The following MSN variants were observed in gnomAD, a reference collection of about 807,000 sequenced individuals.
MSN encodes epididymis luminal protein 70.
A neutral mutation model predicts 48.0 loss-of-function variants in MSN; 2 were observed. That is an observed-to-expected ratio of 0.04 (90% CI 0.02 to 0.13). The LOEUF is 0.13. MSN is among the 10% of genes least tolerant of loss of function. The pLI is 1.00. For synonymous variants in MSN, 146 were observed against 166.9 expected, an observed-to-expected ratio of 0.87 and a Z score of 0.97; for missense variants, 267 against 470.1, an observed-to-expected ratio of 0.57 and a Z score of 3.99.
At chrX:65,692,456 G>A (rs1399104389) in intron 1 of MSN, among the ~76,000 whole-genome samples, 1 of 112,282 alleles carries the variant, frequency 8.9e-6, no homozygotes, top group Non-Finnish European at 1.9e-5. Flanking sequence ...GTTATCTTTG[G>A]CTAACTTTCA....
intron 1 of MSN, among the ~76,000 whole-genome samples, chrX:65,597,878 T>C (rs141459288): frequency 1.9e-3 from 213 of 111,873 alleles, no homozygotes; most frequent in African/African-American, 6.3e-3. Flanking sequence ...GCTCAGATCA[T>C]TTAGGAGATG....
chrX:65,710,502 T>G (rs2071402949), intron 1 of MSN, among the ~76,000 whole-genome samples: 1 of 111,462 alleles, frequency 9.0e-6, no homozygotes, highest in South Asian at 3.7e-4. Flanking sequence ...GAAAATTACT[T>G]ATTTGTTTTT....
chrX:65,633,915 A>G (rs760493733), intron 1 of MSN, among the ~76,000 whole-genome samples: 17 of 111,949 alleles, frequency 1.5e-4, no homozygotes, highest in African/African-American at 5.5e-4. Flanking sequence ...CCAATGTCAC[A>G]CATCAGTTCA....
chrX:65,604,016 GT>G (rs1000123873), intron 1 of MSN, among the ~76,000 whole-genome samples: 1 of 112,177 alleles, frequency 8.9e-6, no homozygotes, highest in African/African-American at 3.2e-5. Flanking sequence ...CAGGCAACTG[GT>G]TTAGGTGCTT....
At chrX:65,656,513 A>T (rs759602577) in intron 1 of MSN, among the ~76,000 whole-genome samples, 2 of 111,608 alleles carry the variant, frequency 1.8e-5, no homozygotes, top group Non-Finnish European at 3.8e-5. Flanking sequence ...GCAACCTGTC[A>T]TGAGCTCCAA....
intron 1 of MSN, chrX:65,624,510 G>A (rs2070485234): frequency 9.4e-6 from 1 of 106,130 alleles, no homozygotes; most frequent in Non-Finnish European, 1.9e-5. Flanking sequence ...TCTCCATTTT[G>A]TTTATCTCCA....
chrX:65,670,084 G>A (rs2070915632), intron 1 of MSN, among the ~76,000 whole-genome samples: 1 of 111,748 alleles, frequency 8.9e-6, no homozygotes, highest in African/African-American at 3.3e-5. Context: ...TGAGCAAAGT[G>A]GCCAAGGTTG....
At chrX:65,697,554 G>C (rs757773171) in intron 1 of MSN, among the ~76,000 whole-genome samples, 184 of 111,449 alleles carry the variant, frequency 1.7e-3, no homozygotes, top group Non-Finnish European at 2.5e-3. Context: ...CCTTCCTATG[G>C]CCTGAGATCA....
chrX:65,686,277 C>T (rs1438157242), intron 1 of MSN, among the ~76,000 whole-genome samples: 1 of 112,762 alleles, frequency 8.9e-6, no homozygotes, highest in East Asian at 2.8e-4. Context: ...CTATTCTGCC[C>T]ACTCATGGCA....
At chrX:65,695,385 A>C (rs1398688736) in intron 1 of MSN, among the ~76,000 whole-genome samples, 1 of 109,169 alleles carries the variant, frequency 9.2e-6, no homozygotes, top group Non-Finnish European at 1.9e-5. Context: ...CTGTGATCCC[A>C]GCTACTTGGG....
intron 1 of MSN, among the ~76,000 whole-genome samples, chrX:65,680,813 A>G (rs1271962504): frequency 1.8e-5 from 2 of 111,132 alleles, no homozygotes; most frequent in African/African-American, 6.6e-5. Flanking sequence ...CAGTGGTCCA[A>G]TCTTGGCTCA....
chrX:65,635,272 A>G (rs2070590247), intron 1 of MSN, among the ~76,000 whole-genome samples: 1 of 109,161 alleles, frequency 9.2e-6, no homozygotes. Flanking sequence ...TTTGATGTCT[A>G]TGGGTGTGTG....
chrX:65,592,646 T>G (rs762211297), intron 1 of MSN, among the ~76,000 whole-genome samples: 7 of 112,222 alleles, frequency 6.2e-5, no homozygotes, highest in Non-Finnish European at 1.3e-4. Context: ...TGTAATCACC[T>G]ATAGATATGA....
chrX:65,706,833 T>C (rs1185252455), intron 1 of MSN, among the ~76,000 whole-genome samples: 1 of 112,089 alleles, frequency 8.9e-6, no homozygotes, highest in East Asian at 2.8e-4. Context: ...CACCTGCCTC[T>C]ATGCACTTCA....
At chrX:65,669,945 C>G (rs1231181149) in intron 1 of MSN, among the ~76,000 whole-genome samples, 1 of 111,907 alleles carries the variant, frequency 8.9e-6, no homozygotes, top group African/African-American at 3.3e-5. Context: ...TTCTGATGCT[C>G]ATCTCATTGA....
At chrX:65,700,654 C>G (rs966176664) in intron 1 of MSN, among the ~76,000 whole-genome samples, 4 of 111,968 alleles carry the variant, frequency 3.6e-5, no homozygotes, top group African/African-American at 1.3e-4. Flanking sequence ...AGACTTGGCT[C>G]TTGGTCAAGG....
chrX:65,728,442 T>C (rs1602860779), intron 3 of MSN, among the ~76,000 whole-genome samples: 4 of 110,834 alleles, frequency 3.6e-5, no homozygotes, highest in Admixed American at 9.6e-5. Context: ...TACAGGTGCC[T>C]GCCACCACGC....
chrX:65,685,469 T>C (rs1025209339), intron 1 of MSN, among the ~76,000 whole-genome samples: 1 of 112,289 alleles, frequency 8.9e-6, no homozygotes, highest in Non-Finnish European at 1.9e-5. Flanking sequence ...TGTGTGTGTT[T>C]GTGATAGGCA....
intron 1 of MSN, among the ~76,000 whole-genome samples, chrX:65,617,884 C>T (rs753878963): frequency 9.1e-6 from 1 of 110,083 alleles, no homozygotes; most frequent in African/African-American, 3.3e-5. Context: ...TTGAATGCAT[C>T]CCAGAGATTC....
Sources: gnomAD v4.1 joint callset for allele counts (sites outside exome capture counted in the v4.1 genomes callset) on GRCh38, gnomAD v4.1.1 for gene constraint, MANE v1.5 for transcripts, NCBI Gene and HGNC (gene_info 2026-07-23, HGNC 2026-07-21) for gene names.